Variants in LUZP2 observed in about 807,000 individuals in gnomAD.
LUZP2 encodes the protein leucine zipper protein 2.
Under a neutral mutation model 51.6 loss-of-function variants are expected in LUZP2, and 52 were observed. The ratio of observed to expected loss-of-function variants is 1.01; its 90% CI spans 0.81 to 1.27. LUZP2 has a LOEUF of 1.27. Among genes scored for constraint, LUZP2 ranks in the 50% most tolerant of loss-of-function variants. LUZP2 has a pLI of 0.00. For synonymous variants in LUZP2, 154 were observed against 137.3 expected, an observed-to-expected ratio of 1.12 and a Z score of -0.85; for missense variants, 436 against 395.4, an observed-to-expected ratio of 1.10 and a Z score of -0.87.
intron 1 of LUZP2, among the ~76,000 whole-genome samples, chr11:24,680,328 A>C (rs1344682154): frequency 6.6e-6 from 1 of 152,112 alleles, no homozygotes; most frequent in African/African-American, 2.4e-5. Context: ...TAGATGGCAA[A>C]CATGTCAGAA....
At chr11:24,732,020 G>A in intron 2 of LUZP2, 98 bp from the exon 3 acceptor site, 1 of 780,318 alleles carries the variant, frequency 1.3e-6, no homozygotes, top group African/African-American at 1.8e-5. Context: ...TTGTTCCAGG[G>A]CATATGTGCA....
chr11:24,957,436 C>T (rs1855242087), intron 7 of LUZP2, among the ~76,000 whole-genome samples: 1 of 151,856 alleles, frequency 6.6e-6, no homozygotes, highest in African/African-American at 2.4e-5. Context: ...TCATATTGTG[C>T]AACAGACCTC....
chr11:24,972,245 G>A (rs1855762574), intron 7 of LUZP2, among the ~76,000 whole-genome samples: 1 of 149,190 alleles, frequency 6.7e-6, no homozygotes, highest in Non-Finnish European at 1.5e-5. Context: ...CCTGATACAA[G>A]CTTCCTGAAT....
chr11:25,025,415 C>G (rs1016413368), intron 9 of LUZP2, among the ~76,000 whole-genome samples: 1 of 152,112 alleles, frequency 6.6e-6, no homozygotes, highest in African/African-American at 2.4e-5. Context: ...GGGCTAATAT[C>G]CAGAATCTAC....
At chr11:24,695,526 T>G (rs552999326) in intron 1 of LUZP2, among the ~76,000 whole-genome samples, 2 of 152,212 alleles carry the variant, frequency 1.3e-5, no homozygotes, top group African/African-American at 4.8e-5. Flanking sequence ...TACGGTTGAC[T>G]ATAGTCACCT....
At chr11:24,759,565 G>A (rs561109897) in intron 4 of LUZP2, among the ~76,000 whole-genome samples, 1 of 152,170 alleles carries the variant, frequency 6.6e-6, no homozygotes, top group Non-Finnish European at 1.5e-5. Context: ...TGTTAAGTAT[G>A]AACAATGCGT....
chr11:24,720,900 C>T (rs571713680), intron 1 of LUZP2, among the ~76,000 whole-genome samples: 8 of 152,032 alleles, frequency 5.3e-5, no homozygotes, highest in Non-Finnish European at 1.5e-5. Flanking sequence ...AGGGTTTCAC[C>T]GTGGTCTCGA....
chr11:24,842,555 C>T (rs773380226), intron 5 of LUZP2, among the ~76,000 whole-genome samples: 2 of 151,748 alleles, frequency 1.3e-5, no homozygotes, highest in African/African-American at 4.8e-5. Flanking sequence ...TACAATACAC[C>T]CTTTTTTAAA....
At chr11:25,003,696 C>T (rs1856757140) in intron 9 of LUZP2, among the ~76,000 whole-genome samples, 2 of 152,142 alleles carry the variant, frequency 1.3e-5, no homozygotes, top group African/African-American at 4.8e-5. Flanking sequence ...ATCTTTTAGC[C>T]TGATTTTGAC....
At chr11:24,544,081 T>C (rs1405450344) in intron 1 of LUZP2, among the ~76,000 whole-genome samples, 2 of 151,908 alleles carry the variant, frequency 1.3e-5, no homozygotes, top group Non-Finnish European at 2.9e-5. Flanking sequence ...GCTCATGCCT[T>C]TAAAATATCA....
At chr11:24,898,012 T>C (rs1296583850) in intron 5 of LUZP2, among the ~76,000 whole-genome samples, 1 of 152,178 alleles carries the variant, frequency 6.6e-6, no homozygotes, top group Non-Finnish European at 1.5e-5. Flanking sequence ...CATTTATATA[T>C]AAATATGTTC....
At chr11:24,761,357 G>A (rs977966889) in intron 4 of LUZP2, among the ~76,000 whole-genome samples, 2 of 152,094 alleles carry the variant, frequency 1.3e-5, no homozygotes, top group Admixed American at 1.3e-4. Context: ...ACAGCAGTAG[G>A]ATGGTGCTAA....
chr11:24,670,191 T>C (rs1856357941), intron 1 of LUZP2, among the ~76,000 whole-genome samples: 1 of 152,010 alleles, frequency 6.6e-6, no homozygotes, highest in Non-Finnish European at 1.5e-5. Context: ...GAACTTGGAG[T>C]GAAAACAAGA....
At chr11:24,509,470 A>T (rs1850239713) in intron 1 of LUZP2, among the ~76,000 whole-genome samples, 1 of 149,116 alleles carries the variant, frequency 6.7e-6, no homozygotes. Flanking sequence ...TATATGGTAT[A>T]GTATATATCA....
chr11:24,862,395 G>A (rs1851767076), intron 5 of LUZP2, among the ~76,000 whole-genome samples: 1 of 152,172 alleles, frequency 6.6e-6, no homozygotes, highest in African/African-American at 2.4e-5. Context: ...GCTCCTGAAG[G>A]AAGCACTTAA....
At chr11:24,538,346 T>A (rs1250742655) in intron 1 of LUZP2, among the ~76,000 whole-genome samples, 1 of 151,724 alleles carries the variant, frequency 6.6e-6, no homozygotes, top group Non-Finnish European at 1.5e-5. Flanking sequence ...GTGATAAAAC[T>A]ATACAATTAT....
At chr11:24,949,102 G>T in intron 7 of LUZP2, among the ~76,000 whole-genome samples, 1 of 151,576 alleles carries the variant, frequency 6.6e-6, no homozygotes. Context: ...AACTAGGAGA[G>T]CCAGTGGTAT....
At chr11:24,826,728 A>T (rs143061678) in intron 5 of LUZP2, among the ~76,000 whole-genome samples, 95 of 152,340 alleles carry the variant, frequency 6.2e-4, no homozygotes, top group African/African-American at 2.3e-3. Context: ...TGCAGTGAAT[A>T]GACCCAACTC....
At chr11:24,770,378 T>C (rs1860360922) in intron 5 of LUZP2, among the ~76,000 whole-genome samples, 1 of 152,162 alleles carries the variant, frequency 6.6e-6, no homozygotes, top group South Asian at 2.1e-4. Context: ...AATCAGAAAT[T>C]AACCCAGCTA....
Sources: gnomAD v4.1 joint callset for allele counts (sites outside exome capture counted in the v4.1 genomes callset) on GRCh38, gnomAD v4.1.1 for gene constraint, MANE v1.5 for transcripts, NCBI Gene and HGNC (gene_info 2026-07-23, HGNC 2026-07-21) for gene names.